Variants in PCDH15 observed in about 807,000 individuals in gnomAD.
The protein encoded by PCDH15 is protocadherin related 15.
A neutral mutation model predicts 178.5 loss-of-function variants in PCDH15; 129 were observed. That is an observed-to-expected ratio of 0.72 (90% CI 0.63 to 0.84). The LOEUF (loss-of-function observed/expected upper bound fraction) is 0.84. PCDH15 is among the 40% of genes least tolerant of loss of function. The probability of loss-of-function intolerance (pLI) is 0.00; values close to 1 mark genes in which losing one functional copy is unlikely to be tolerated. For synonymous variants in PCDH15, 800 were observed against 732.0 expected (o/e 1.09, Z -1.50); for missense variants, 2,230 against 2,099.9 (o/e 1.06, Z -1.21).
rs185194679 is a variant in PCDH15, at chr10:54,336,534, C to T, written c.595-6828G>A. Among the ~76,000 whole-genome samples the T allele has an allele frequency of 1.7e-3, 263 of 152,254 alleles. 1 individual carries two copies. Among genetic ancestry groups the T allele is most frequent in the African/African-American group, 5.5e-3 (230 of 41,564 alleles). On this transcript the variant is annotated intron_variant, in intron 6 of 37. Coordinates refer to ENST00000644397, the MANE Select transcript of PCDH15 (RefSeq NM_001384140.1). ...AGGAGTGAAGACATAGCTCAGGCTG[C>T]GGCTTCAGAAGGTGCAAGCCCCAAG...
intron 3 of PCDH15, among the ~76,000 whole-genome samples, chr10:54,884,081 G>T (rs1393771367): frequency 1.3e-5 from 2 of 151,918 alleles, no homozygotes; most frequent in Non-Finnish European, 2.9e-5. Context: ...GTTTTTATGT[G>T]GCTCAAAACG....
rs151284517 is a variant in PCDH15 at position 54,284,678 on chromosome 10, G to A, written c.876+32593C>T. On this transcript the variant is annotated intron_variant, in intron 8 of 37. Transcript: ENST00000644397. ...CTGGCTTTTCTGTCCTTACAGAGCT[G>A]CCCATTGTGGTCAAATTGACCACAT... 2.8e-4 allele frequency among the ~76,000 whole-genome samples: 42 copies of A among 152,284 alleles called. No individual in the cohort carries two copies. The East Asian group carries it at 8.1e-3, about 29-fold the overall frequency.
chr10:53,905,043 C>G, intron 25 of PCDH15: 1 of 395,638 alleles, frequency 2.5e-6, no homozygotes, highest in Admixed American at 2.7e-5. Flanking sequence ...TGTTCCCTTA[C>G]CTCCCAACCC....
chr10:55,169,937 CTA>C (rs1309533357), intron 1 of PCDH15, among the ~76,000 whole-genome samples: 1 of 151,674 alleles, frequency 6.6e-6, no homozygotes, highest in African/African-American at 2.4e-5. Flanking sequence ...ACATAAAATT[CTA>C]TGAGTCAAAT....
rs575946184 is a variant in PCDH15 at position 55,245,265 on chromosome 10, T to A, written c.-156+74334A>T. The stretch of plus-strand genomic sequence containing the variant: ...CACTTAGAAACATTTGCTGTAATGT[T>A]TTGAAACAAGATCCTCAACAGAATT... On this transcript the variant is annotated intron_variant, in intron 1 of 5. Transcript: ENST00000458638. 3.5e-4 allele frequency among the ~76,000 whole-genome samples: 54 copies of A among 152,240 alleles called. No individual in the cohort carries two copies. In the South Asian group the frequency reaches 0.011, roughly 30 times the overall value.
intron 10 of PCDH15, among the ~76,000 whole-genome samples, chr10:54,196,827 G>A (rs370456689): frequency 1.3e-5 from 2 of 152,138 alleles, no homozygotes; most frequent in Admixed American, 6.5e-5. Context: ...CTCCCACCAC[G>A]TGAGAACAAG....
intron 3 of PCDH15, among the ~76,000 whole-genome samples, chr10:54,479,098 T>A (rs1230197645): frequency 6.6e-6 from 1 of 152,038 alleles, no homozygotes; most frequent in East Asian, 1.9e-4. Context: ...TAATACGTTT[T>A]GAAAAGAAAT....
At chr10:54,797,969 C>T (rs965776775) in intron 1 of PCDH15, among the ~76,000 whole-genome samples, 4 of 151,966 alleles carry the variant, frequency 2.6e-5, no homozygotes, top group Non-Finnish European at 5.9e-5. Flanking sequence ...TTCAAAACTA[C>T]CTCCCATCCT....
At chr10:55,439,856 CAG>C (rs1218195539) in intron 2 of PCDH15, among the ~76,000 whole-genome samples, 4 of 151,924 alleles carry the variant, frequency 2.6e-5, no homozygotes, top group African/African-American at 4.8e-5. Context: ...TAGAATGAAA[CAG>C]AATTTCCCAA....
chr10:54,026,999 T>C (rs1330138890), intron 18 of PCDH15, among the ~76,000 whole-genome samples: 11 of 147,452 alleles, frequency 7.5e-5, no homozygotes, highest in Non-Finnish European at 7.4e-5. Context: ...GAAGTCAAAT[T>C]GTCCCTGTTT....
intron 3 of PCDH15, among the ~76,000 whole-genome samples, chr10:54,411,021 G>A (rs1050543098): frequency 2.0e-5 from 3 of 152,280 alleles, no homozygotes; most frequent in African/African-American, 7.2e-5. Context: ...TAGAGTTTAA[G>A]TATGTGTCTC....
At chr10:54,170,996 G>C (rs1432646150) in intron 13 of PCDH15, among the ~76,000 whole-genome samples, 1 of 152,010 alleles carries the variant, frequency 6.6e-6, no homozygotes, top group Non-Finnish European at 1.5e-5. Context: ...TACTCAACAT[G>C]CCCTGAGTCA....
intron 3 of PCDH15, among the ~76,000 whole-genome samples, chr10:54,838,371 T>C (rs1368802038): frequency 6.6e-6 from 1 of 151,998 alleles, no homozygotes; most frequent in Admixed American, 6.6e-5. Flanking sequence ...AAAAGGCAGT[T>C]CCCCTGCACT....
intron 1 of PCDH15, among the ~76,000 whole-genome samples, chr10:54,780,747 A>AG (rs1950279906): frequency 6.6e-6 from 1 of 151,702 alleles, no homozygotes; most frequent in Non-Finnish European, 1.5e-5. Flanking sequence ...AAAAAAAAAA[A>AG]AAAAGAAAAT....
chr10:55,227,073 A>G (rs1022590831), intron 1 of PCDH15, among the ~76,000 whole-genome samples: 3 of 152,194 alleles, frequency 2.0e-5, no homozygotes, highest in African/African-American at 4.8e-5. Flanking sequence ...CATTTCAACC[A>G]TAATGTTGAA....
chr10:55,542,196 T>G (rs139596506), intron 2 of PCDH15, among the ~76,000 whole-genome samples: 1 of 151,452 alleles, frequency 6.6e-6, no homozygotes, highest in African/African-American at 2.4e-5. Flanking sequence ...TATATGTGCA[T>G]ATGTAGAGTA....
At chr10:55,261,118 G>A (rs1842137377) in intron 1 of PCDH15, among the ~76,000 whole-genome samples, 2 of 152,124 alleles carry the variant, frequency 1.3e-5, no homozygotes, top group South Asian at 4.1e-4. Context: ...TTCTTTCCAT[G>A]CAACAAATCA....
intron 2 of PCDH15, among the ~76,000 whole-genome samples, chr10:55,457,622 G>A (rs1839582587): frequency 6.6e-6 from 1 of 151,966 alleles, no homozygotes; most frequent in African/African-American, 2.4e-5. Context: ...GTTCCAATAT[G>A]TTTCCAAAAC....
chr10:54,332,953 T>G (rs1356144646), intron 6 of PCDH15, among the ~76,000 whole-genome samples: 1 of 152,104 alleles, frequency 6.6e-6, no homozygotes, highest in African/African-American at 2.4e-5. Context: ...ATTTATTTAT[T>G]TATTGAGATG....
Sources: gnomAD v4.1 joint callset for allele counts (sites outside exome capture counted in the v4.1 genomes callset) on GRCh38, gnomAD v4.1.1 for gene constraint, MANE v1.5 for transcripts, NCBI Gene and HGNC (gene_info 2026-07-23, HGNC 2026-07-21) for gene names.